GALNT13: variants seen among roughly 807,000 people sequenced by gnomAD.
GALNT13 encodes UDP-GalNAc:polypeptide N-acetylgalactosaminyltransferase 13.
A neutral mutation model predicts 64.2 loss-of-function variants in GALNT13; 28 were observed. That is an observed-to-expected ratio of 0.44 (90% CI 0.32 to 0.60). The LOEUF is 0.60. GALNT13 is among the 20% of genes least tolerant of loss of function. The pLI is 0.05. For missense variants in GALNT13, 577 were observed against 669.8 expected (o/e 0.86, Z 1.53); for synonymous variants, 214 against 224.6 (o/e 0.95, Z 0.42).
intron 8 of GALNT13, among the ~76,000 whole-genome samples, 160 bp from the exon 9 acceptor site, chr2:154,301,248 AT>A (rs1250487016): frequency 6.6e-6 from 1 of 152,234 alleles, no homozygotes; most frequent in Non-Finnish European, 1.5e-5. Context: ...GATCTTCCAA[AT>A]TCGCATCCTT....
At chr2:154,170,933 A>T (rs960214734) in intron 4 of GALNT13, among the ~76,000 whole-genome samples, 4 of 152,206 alleles carry the variant, frequency 2.6e-5, no homozygotes, top group Non-Finnish European at 5.9e-5. Context: ...AGAAGCTTTC[A>T]ATGCAGAAGT....
the GALNT13 span, among the ~76,000 whole-genome samples, chr2:153,374,425 A>G: frequency 1.3e-5 from 2 of 151,972 alleles, no homozygotes; most frequent in Non-Finnish European, 2.9e-5. Flanking sequence ...TTATTTTTTA[A>G]ATCAAGTTTT....
At position 154,304,139 on chromosome 2, in the gene GALNT13, A is replaced by T. The variant is rs150890695; in HGVS notation, c.1156+2550A>T. On this transcript the variant is annotated intron_variant, in intron 9 of 12. Coordinates refer to ENST00000392825, the MANE Select transcript of GALNT13 (RefSeq NM_052917.4). ...TTATTAAGATCCAGCATCGCTATATAAAGAATGGGGGCATTGTATGTTTAA... is the reference window on the plus strand; with the variant it reads ...TTATTAAGATCCAGCATCGCTATATTAAGAATGGGGGCATTGTATGTTTAA... 3.6e-3 allele frequency among the ~76,000 whole-genome samples: 545 copies of T among 152,326 alleles called. 3 individuals carry two copies. The highest frequency in any genetic ancestry group is 9.7e-3 in the Admixed American group (148 of 15,292).
chr2:153,789,380 G>T, the GALNT13 span, among the ~76,000 whole-genome samples: 1 of 152,124 alleles, frequency 6.6e-6, no homozygotes, highest in African/African-American at 2.4e-5. Context: ...AAATCAAGAA[G>T]TTCTTTGAAG....
intron 3 of GALNT13, among the ~76,000 whole-genome samples, chr2:154,048,268 G>C (rs924812777): frequency 2.0e-5 from 3 of 152,204 alleles, no homozygotes; most frequent in East Asian, 1.9e-4. Context: ...CACCTCCCAC[G>C]GGGTTTAGGT....
the GALNT13 span, chr2:153,478,815 G>A: frequency 3.3e-5 from 15 of 450,732 alleles, no homozygotes; most frequent in South Asian, 5.6e-5. Flanking sequence ...TCGCTCGAGG[G>A]GGGGCTGTTG....
At chr2:154,354,182 T>C (rs554680434) in intron 9 of GALNT13, among the ~76,000 whole-genome samples, 14 of 152,276 alleles carry the variant, frequency 9.2e-5, no homozygotes, top group African/African-American at 3.1e-4. Context: ...CATATACCTG[T>C]TGGCATTTTT....
the GALNT13 span, among the ~76,000 whole-genome samples, chr2:153,485,479 G>A: frequency 6.6e-6 from 1 of 152,114 alleles, no homozygotes; most frequent in Admixed American, 6.5e-5. Context: ...ATATCTGGAA[G>A]GTATTTATGT....
intron 9 of GALNT13, among the ~76,000 whole-genome samples, chr2:154,367,257 A>G (rs575565429): frequency 6.6e-6 from 1 of 152,290 alleles, no homozygotes; most frequent in East Asian, 1.9e-4. Context: ...AGATGTTAAG[A>G]TCCCTTATCT....
chr2:154,432,915 A>C (rs1486335230), intron 11 of GALNT13, among the ~76,000 whole-genome samples: 1 of 152,138 alleles, frequency 6.6e-6, no homozygotes, highest in South Asian at 2.1e-4. Context: ...AATATGAAGA[A>C]GATTACAAGA....
At chr2:153,280,963 G>A in the GALNT13 span, among the ~76,000 whole-genome samples, 1 of 152,206 alleles carries the variant, frequency 6.6e-6, no homozygotes, top group South Asian at 2.1e-4. Flanking sequence ...TAAGTGGATT[G>A]TTGAAGTCCC....
chr2:153,270,328 C>T, the GALNT13 span, among the ~76,000 whole-genome samples: 1 of 152,138 alleles, frequency 6.6e-6, no homozygotes, highest in Non-Finnish European at 1.5e-5. Flanking sequence ...ATGCTAGACA[C>T]TAGACTGAGT....
chr2:153,837,028 T>A, the GALNT13 span, among the ~76,000 whole-genome samples: 1 of 151,130 alleles, frequency 6.6e-6, no homozygotes, highest in East Asian at 1.9e-4. Context: ...TACCCAGTAA[T>A]GGGATGGCTG....
the GALNT13 span, among the ~76,000 whole-genome samples, chr2:153,248,684 T>G: frequency 2.0e-5 from 3 of 151,360 alleles, no homozygotes; most frequent in Non-Finnish European, 4.4e-5. Context: ...GGCGTGGTGG[T>G]GGGTGCCTGT....
At chr2:153,267,905 C>G in the GALNT13 span, among the ~76,000 whole-genome samples, 1 of 152,152 alleles carries the variant, frequency 6.6e-6, no homozygotes, top group Admixed American at 6.6e-5. Context: ...CTCACTAGAA[C>G]AGCATGTGGG....
At chr2:154,196,624 A>T (rs1446568560) in intron 4 of GALNT13, among the ~76,000 whole-genome samples, 2 of 152,226 alleles carry the variant, frequency 1.3e-5, no homozygotes, top group Non-Finnish European at 2.9e-5. Flanking sequence ...TGTATTTGAA[A>T]GCGTAGGTGA....
At chr2:153,794,141 A>G in the GALNT13 span, among the ~76,000 whole-genome samples, 2 of 152,236 alleles carry the variant, frequency 1.3e-5, no homozygotes, top group African/African-American at 4.8e-5. Flanking sequence ...TTGAAATTCA[A>G]AACTATTCAT....
At chr2:153,873,395 C>T (rs1284066989) in intron 1 of GALNT13, among the ~76,000 whole-genome samples, 1 of 152,230 alleles carries the variant, frequency 6.6e-6, no homozygotes, top group African/African-American at 2.4e-5. Context: ...CAAGCCCCTC[C>T]CGCATACCCG....
At chr2:153,606,940 A>T in the GALNT13 span, among the ~76,000 whole-genome samples, 1 of 143,924 alleles carries the variant, frequency 6.9e-6, no homozygotes, top group African/African-American at 2.6e-5. Flanking sequence ...AATCACTTCC[A>T]TTCTTCATCT....
Sources: gnomAD v4.1 joint callset for allele counts (sites outside exome capture counted in the v4.1 genomes callset) on GRCh38, gnomAD v4.1.1 for gene constraint, MANE v1.5 for transcripts, NCBI Gene and HGNC (gene_info 2026-07-23, HGNC 2026-07-21) for gene names.